The following MTHFSD variants were observed in gnomAD, a reference collection of about 807,000 sequenced individuals.
MTHFSD encodes the protein methenyltetrahydrofolate synthase domain-containing protein.
MTHFSD carries 37 observed loss-of-function variants against 31.1 expected under a neutral mutation model. The observed-to-expected ratio is 1.19, with a 90% CI of 0.91 to 1.56. MTHFSD has a LOEUF of 1.56. Among genes scored for constraint, MTHFSD ranks in the 40% most tolerant of loss-of-function variants. MTHFSD has a pLI of 0.00. For synonymous variants in MTHFSD, 221 were observed against 206.9 expected (o/e 1.07, Z -0.59); for missense variants, 664 against 510.1 (o/e 1.30, Z -2.91).
intron 7 of MTHFSD, chr16:86,541,076 G>C (rs1971441696): frequency 8.0e-7 from 1 of 1,257,426 alleles, no homozygotes; most frequent in Non-Finnish European, 1.0e-6. Context: ...TCCACACGAA[G>C]CACAAATGTC....
At chr16:86,544,973 G>T (rs1972068347) in intron 5 of MTHFSD, among the ~76,000 whole-genome samples, 1 of 152,210 alleles carries the variant, frequency 6.6e-6, no homozygotes, top group Non-Finnish European at 1.5e-5. Flanking sequence ...ACCTAGCACT[G>T]CATGTTCTCA....
At chr16:86,539,770 G>T (rs754542885) in intron 7 of MTHFSD, among the ~76,000 whole-genome samples, 2 of 152,178 alleles carry the variant, frequency 1.3e-5, no homozygotes, top group African/African-American at 2.4e-5. Flanking sequence ...TGGAACAAAG[G>T]CCAGGGAATT....
intron 3 of MTHFSD, among the ~76,000 whole-genome samples, chr16:86,551,284 G>A (rs895953120): frequency 6.6e-6 from 1 of 152,002 alleles, no homozygotes; most frequent in African/African-American, 2.4e-5. Flanking sequence ...CCTTGAAAAG[G>A]GGCCTGTATG....
At chr16:86,548,970 C>T (rs771927399) in intron 3 of MTHFSD, among the ~76,000 whole-genome samples, 1 of 152,238 alleles carries the variant, frequency 6.6e-6, no homozygotes, top group Non-Finnish European at 1.5e-5. Flanking sequence ...TACAATAATG[C>T]TGTCATTAGA....
Position 86,532,185 on chromosome 16 carries a change from C to T in MTHFSD, c.978G>A (p.Leu326=). Residue 326 remains leucine, a synonymous_variant, in exon 8 of 8, where the codon CTG becomes CTA. Transcript: ENST00000360900. ...GCAGGGGCACGGAGCCGAGTTCCCGCAGGGCTCTCTTCAGGTCACTCACAC... is the reference window on the plus strand; with the variant it reads ...GCAGGGGCACGGAGCCGAGTTCCCGTAGGGCTCTCTTCAGGTCACTCACAC... The part of the protein sequence containing the change: ...DARVSDLKRA[L]RELGSVPLRL... 2 of 1,581,392 alleles carry T rather than the reference C, an allele frequency of 1.3e-6. No individual in the cohort carries two copies. Among genetic ancestry groups the T allele is most frequent in the Non-Finnish European group, 1.7e-6 (2 of 1,163,598 alleles).
At chr16:86,539,869 G>T (rs1971244924) in intron 7 of MTHFSD, among the ~76,000 whole-genome samples, 1 of 152,092 alleles carries the variant, frequency 6.6e-6, no homozygotes, top group Admixed American at 6.6e-5. Flanking sequence ...GATCTATAAT[G>T]CATCCCAGAT....
chr16:86,538,212 T>C (rs1174003546), intron 7 of MTHFSD, among the ~76,000 whole-genome samples: 1 of 104,464 alleles, frequency 9.6e-6, no homozygotes, highest in African/African-American at 4.1e-5. Context: ...AAGGTATTCT[T>C]AACATATATC....
chr16:86,546,421 A>C, intron 5 of MTHFSD, 138 bp downstream of exon 5: 1 of 733,492 alleles, frequency 1.4e-6, no homozygotes, highest in South Asian at 1.6e-5. Context: ...CCTCTGAAAA[A>C]TGCAGCGGCT....
At chr16:86,540,411 A>T (rs1971333580) in intron 7 of MTHFSD, among the ~76,000 whole-genome samples, 1 of 152,106 alleles carries the variant, frequency 6.6e-6, no homozygotes, top group Admixed American at 6.5e-5. Flanking sequence ...GTGTCCGATG[A>T]CTTCATTTGT....
At chr16:86,550,673 C>T (rs1973012524) in intron 3 of MTHFSD, among the ~76,000 whole-genome samples, 2 of 152,214 alleles carry the variant, frequency 1.3e-5, no homozygotes, top group South Asian at 2.1e-4. Context: ...AACTGCGCCT[C>T]GAATGCAGTG....
At chr16:86,551,990 C>T in intron 3 of MTHFSD, 43 bp downstream of exon 3, 1 of 1,611,786 alleles carries the variant, frequency 6.2e-7, no homozygotes, top group Non-Finnish European at 8.5e-7. Context: ...AGGTGTCCCC[C>T]TTGGCGGCCA....
chr16:86,555,074 C>A, intron 1 of MTHFSD, 95 bp downstream of exon 1: 12 of 1,503,764 alleles, frequency 8.0e-6, no homozygotes, highest in Non-Finnish European at 1.1e-5. Context: ...TCTGCCCCAT[C>A]CTCTGCCAGC....
intron 3 of MTHFSD, among the ~76,000 whole-genome samples, 199 bp from the exon 4 acceptor site, chr16:86,548,776 C>T (rs889461130): frequency 3.9e-5 from 6 of 152,098 alleles, no homozygotes; most frequent in South Asian, 4.1e-4. Context: ...AATCACCACT[C>T]GGCACCTCCT....
At chr16:86,552,778 T>G (rs16941523) in intron 2 of MTHFSD, among the ~76,000 whole-genome samples, 3,744 of 152,268 alleles carry the variant, frequency 0.025, 153 homozygotes, top group African/African-American at 0.081. Context: ...CAGGACAGTC[T>G]TGGAACCACC....
intron 7 of MTHFSD, chr16:86,532,727 C>T (rs925596515): frequency 1.5e-5 from 5 of 341,914 alleles, no homozygotes; most frequent in East Asian, 8.9e-5. Flanking sequence ...GGCTCTGGAG[C>T]GTTTGCCACG....
chr16:86,541,941 G>T, intron 6 of MTHFSD, 119 bp from the exon 7 acceptor site: 2 of 1,451,802 alleles, frequency 1.4e-6, no homozygotes, highest in Non-Finnish European at 9.4e-7. Flanking sequence ...CCACTCTGGG[G>T]CTAAGGCTTA....
At chr16:86,532,577 C>T (rs1464638696) in intron 7 of MTHFSD, 96 bp from the exon 8 acceptor site, 1 of 1,014,852 alleles carries the variant, frequency 9.9e-7, no homozygotes, top group Non-Finnish European at 1.3e-6. Context: ...CTGTGCTGCA[C>T]ACGTGGACTG....
At chr16:86,554,910 TC>T (rs1973857081) in intron 1 of MTHFSD, 159 bp from the exon 2 acceptor site, 14 of 1,080,088 alleles carry the variant, frequency 1.3e-5, no homozygotes, top group Non-Finnish European at 1.8e-5. Flanking sequence ...GCCCACGGGC[TC>T]CCCCACGTGC....
chr16:86,543,153 G>T (rs571365024), intron 5 of MTHFSD, among the ~76,000 whole-genome samples: 21 of 152,364 alleles, frequency 1.4e-4, no homozygotes, highest in African/African-American at 5.0e-4. Flanking sequence ...CCGCAAACAT[G>T]AAAAATGCTT....
Sources: gnomAD v4.1 joint callset for allele counts (sites outside exome capture counted in the v4.1 genomes callset) on GRCh38, gnomAD v4.1.1 for gene constraint, MANE v1.5 for transcripts, NCBI Gene and HGNC (gene_info 2026-07-23, HGNC 2026-07-21) for gene names.